MALRD1: variants seen among roughly 807,000 people sequenced by gnomAD.
MALRD1 encodes the protein MAM and LDL receptor class A domain containing 1.
A neutral mutation model predicts 242.1 loss-of-function variants in MALRD1; 247 were observed. The ratio of observed to expected loss-of-function variants is 1.02; its 90% CI spans 0.92 to 1.13. MALRD1 has a LOEUF of 1.13. Among genes scored for constraint, MALRD1 ranks in the 50% most tolerant of loss-of-function variants. The pLI is 0.00. For synonymous variants in MALRD1, 995 were observed against 866.6 expected (o/e 1.15, Z -2.60); for missense variants, 2,989 against 2,533.1 (o/e 1.18, Z -3.86).
chr10:19,232,845 C>T (rs1413322999), intron 18 of MALRD1, among the ~76,000 whole-genome samples: 2 of 152,006 alleles, frequency 1.3e-5, no homozygotes, highest in Admixed American at 1.3e-4. Context: ...CTTTCACTGT[C>T]CTAAAAGATA....
At chr10:19,320,011 T>C (rs142148978) in intron 21 of MALRD1, among the ~76,000 whole-genome samples, 1,960 of 150,076 alleles carry the variant, frequency 0.013, 27 homozygotes, top group Non-Finnish European at 0.02. Context: ...ATGGAATTGG[T>C]AAACTGCTAA....
intron 31 of MALRD1, among the ~76,000 whole-genome samples, chr10:19,517,723 AT>A (rs1425015416): frequency 1.3e-5 from 2 of 152,162 alleles, no homozygotes; most frequent in African/African-American, 4.8e-5. Flanking sequence ...GCACAGTCAT[AT>A]CCAGTAATTG....
At chr10:19,264,456 C>CTTTTTTTTTTTTT (rs1261988988) in intron 19 of MALRD1, among the ~76,000 whole-genome samples, 4 of 111,606 alleles carry the variant, frequency 3.6e-5, no homozygotes, top group African/African-American at 3.8e-5. Flanking sequence ...TTTTCTTTTT[C>CTTTTTTTTTTTTT]TTTTTTTTTT....
chr10:19,314,442 C>A (rs1842552040), intron 21 of MALRD1, among the ~76,000 whole-genome samples: 1 of 151,362 alleles, frequency 6.6e-6, no homozygotes, highest in African/African-American at 2.4e-5. Context: ...GAAGAAAGAC[C>A]AACATAAAGG....
At chr10:19,491,453 G>C (rs957926938) in intron 29 of MALRD1, 64 bp from the exon 30 acceptor site, 1 of 1,513,954 alleles carries the variant, frequency 6.6e-7, no homozygotes, top group African/African-American at 1.4e-5. Flanking sequence ...ATACCTAACA[G>C]GAATCTTCAA....
chr10:19,598,333 A>C (rs891113630), intron 34 of MALRD1: 5 of 152,140 alleles, frequency 3.3e-5, no homozygotes, highest in African/African-American at 1.2e-4. Flanking sequence ...AGCACAAGGA[A>C]GAGGCACAGC....
At chr10:19,586,827 C>T (rs1054226359) in intron 33 of MALRD1, among the ~76,000 whole-genome samples, 3 of 152,240 alleles carry the variant, frequency 2.0e-5, no homozygotes, top group Admixed American at 6.5e-5. Flanking sequence ...CCCCCAGCCT[C>T]GCTGCCGCCT....
chr10:19,496,717 C>G (rs1199507577), intron 30 of MALRD1, among the ~76,000 whole-genome samples: 3 of 151,980 alleles, frequency 2.0e-5, no homozygotes, highest in African/African-American at 7.3e-5. Flanking sequence ...ATGACTAAGG[C>G]CAATACAGAG....
At chr10:19,351,410 C>T (rs1334142070) in intron 25 of MALRD1, among the ~76,000 whole-genome samples, 1 of 152,062 alleles carries the variant, frequency 6.6e-6, no homozygotes, top group Non-Finnish European at 1.5e-5. Flanking sequence ...CAAAGAAAAG[C>T]TCCGTGGGTT....
intron 33 of MALRD1, among the ~76,000 whole-genome samples, chr10:19,574,397 G>T (rs768481768): frequency 6.6e-6 from 1 of 152,162 alleles, no homozygotes; most frequent in Non-Finnish European, 1.5e-5. Context: ...ACTATCAGAT[G>T]AATTTATATG....
intron 32 of MALRD1, among the ~76,000 whole-genome samples, chr10:19,551,876 A>T (rs540965187): frequency 1.1e-3 from 174 of 152,176 alleles, no homozygotes; most frequent in African/African-American, 4.0e-3. Context: ...AGTTTTGTTT[A>T]TGCGATGAAT....
At chr10:19,363,317 T>C (rs1844975099) in intron 26 of MALRD1, among the ~76,000 whole-genome samples, 1 of 151,658 alleles carries the variant, frequency 6.6e-6, no homozygotes, top group Non-Finnish European at 1.5e-5. Context: ...GGTCAAGAGA[T>C]AAAGAAAAGG....
chr10:19,317,205 G>A (rs1446473706), intron 21 of MALRD1, among the ~76,000 whole-genome samples: 1 of 151,818 alleles, frequency 6.6e-6, no homozygotes. Flanking sequence ...GGCTAATAAG[G>A]CTATGATCAA....
intron 28 of MALRD1, among the ~76,000 whole-genome samples, chr10:19,391,761 G>A (rs753059961): frequency 6.6e-6 from 1 of 152,164 alleles, no homozygotes; most frequent in Non-Finnish European, 1.5e-5. Context: ...CTAACTGGCT[G>A]TTCATTAGAA....
chr10:19,698,616 C>G (rs1347900048), intron 38 of MALRD1, among the ~76,000 whole-genome samples: 1 of 152,116 alleles, frequency 6.6e-6, no homozygotes, highest in African/African-American at 2.4e-5. Flanking sequence ...GATACCATCA[C>G]CAGCACTACC....
chr10:19,562,949 A>C (rs1177734348), intron 32 of MALRD1, among the ~76,000 whole-genome samples: 2 of 152,154 alleles, frequency 1.3e-5, no homozygotes, highest in Non-Finnish European at 2.9e-5. Context: ...TCTTCCATGA[A>C]AGGGTCCCTG....
At chr10:19,669,046 T>G (rs1219713331) in intron 36 of MALRD1, among the ~76,000 whole-genome samples, 1 of 152,222 alleles carries the variant, frequency 6.6e-6, no homozygotes, top group Non-Finnish European at 1.5e-5. Context: ...CCATAAAGAT[T>G]ATCTGTGAAT....
intron 14 of MALRD1, among the ~76,000 whole-genome samples, chr10:19,176,802 G>A (rs959600165): frequency 2.7e-4 from 41 of 151,022 alleles, no homozygotes; most frequent in Non-Finnish European, 2.5e-4. Context: ...GCATGTGTGC[G>A]CGTGTCTGCC....
chr10:19,284,574 C>T (rs898386178), intron 21 of MALRD1, among the ~76,000 whole-genome samples: 1 of 151,474 alleles, frequency 6.6e-6, no homozygotes, highest in African/African-American at 2.4e-5. Flanking sequence ...CTACAAAGGA[C>T]ATGAACTCAT....
Sources: allele counts gnomAD v4.1 joint callset (sites outside exome capture counted in the v4.1 genomes callset), GRCh38; gene constraint gnomAD v4.1.1; transcripts MANE v1.5; gene names NCBI Gene and HGNC (gene_info 2026-07-23, HGNC 2026-07-21).